NBEA: variants seen among roughly 807,000 people sequenced by gnomAD.
The protein encoded by NBEA is neurobeachin.
A neutral mutation model predicts 343.4 loss-of-function variants in NBEA; 44 were observed. The ratio of observed to expected loss-of-function variants is 0.13; its 90% CI spans 0.10 to 0.16. The LOEUF is 0.16. Among genes scored for constraint, NBEA ranks in the 10% least tolerant of loss-of-function variants. NBEA has a pLI of 1.00. For missense variants in NBEA, 2,555 were observed against 3,631.3 expected (o/e 0.70, Z 7.62); for synonymous variants, 1,175 against 1,238.7 (o/e 0.95, Z 1.08).
intron 39 of NBEA, among the ~76,000 whole-genome samples, chr13:35,445,903 G>C (rs1300055476): frequency 6.7e-6 from 1 of 149,554 alleles, no homozygotes; most frequent in Non-Finnish European, 1.5e-5. Context: ...TGCCATGTTG[G>C]TGTGCTGCAC....
intron 28 of NBEA, among the ~76,000 whole-genome samples, chr13:35,180,977 C>T (rs2071276458): frequency 6.6e-6 from 1 of 151,792 alleles, no homozygotes; most frequent in Non-Finnish European, 1.5e-5. Context: ...CAGTCCCATC[C>T]AGGTTGCTGC....
At chr13:35,257,870 TCTTA>T (rs750966023) in intron 34 of NBEA, among the ~76,000 whole-genome samples, 41 of 152,182 alleles carry the variant, frequency 2.7e-4, no homozygotes, top group Non-Finnish European at 5.1e-4. Context: ...CCAGTTTTTT[TCTTA>T]CTTGAGTGAA....
intron 1 of NBEA, among the ~76,000 whole-genome samples, chr13:35,010,741 A>AAAAAATATATATAT (rs1555275017): frequency 3.1e-5 from 1 of 31,964 alleles, no homozygotes; most frequent in South Asian, 1.8e-3. Flanking sequence ...AAAAAAAAAA[A>AAAAAATATATATAT]ATATATATAT....
At chr13:35,524,633 C>A (rs2077883569) in intron 41 of NBEA, among the ~76,000 whole-genome samples, 1 of 151,952 alleles carries the variant, frequency 6.6e-6, no homozygotes, top group African/African-American at 2.4e-5. Flanking sequence ...TAAACATTTT[C>A]CAAAGGAAAA....
intron 40 of NBEA, among the ~76,000 whole-genome samples, chr13:35,459,470 A>G (rs2046789356): frequency 6.6e-6 from 1 of 151,692 alleles, no homozygotes; most frequent in Admixed American, 6.6e-5. Context: ...TATATAGAAC[A>G]TTGGTACTCA....
intron 8 of NBEA, among the ~76,000 whole-genome samples, chr13:35,065,115 T>A (rs1051698498): frequency 6.6e-6 from 1 of 151,776 alleles, no homozygotes; most frequent in African/African-American, 2.4e-5. Flanking sequence ...GTGTTTTAGC[T>A]CTTTCTGTAG....
At chr13:35,584,779 C>T (rs1159612005) in intron 46 of NBEA, among the ~76,000 whole-genome samples, 1 of 151,912 alleles carries the variant, frequency 6.6e-6, no homozygotes, top group African/African-American at 2.4e-5. Flanking sequence ...GGATTACAGG[C>T]GTGAGCCACC....
chr13:35,362,565 A>G lies in NBEA; in HGVS notation c.6179+10242A>G, dbSNP rs377205038. Among the ~76,000 whole-genome samples the G allele has an allele frequency of 7.9e-5, 12 of 152,138 alleles. No individual in the cohort carries two copies. In the South Asian group the frequency reaches 1.7e-3, roughly 21 times the overall value. On this transcript the variant is annotated intron_variant, in intron 38 of 58. Transcript: ENST00000379939. ...TTGAGTTAGACTAAACAGTCTACCA[A>G]TTGTGATCTCAGTAACACCGTGAGA...
At chr13:35,455,216 G>A (rs1288496581) in intron 40 of NBEA, among the ~76,000 whole-genome samples, 1 of 151,892 alleles carries the variant, frequency 6.6e-6, no homozygotes, top group East Asian at 1.9e-4. Context: ...ACAAAACCCC[G>A]TTTTGCTGAC....
intron 41 of NBEA, among the ~76,000 whole-genome samples, chr13:35,499,188 A>T (rs1201856404): frequency 1.3e-5 from 2 of 152,116 alleles, no homozygotes; most frequent in Non-Finnish European, 2.9e-5. Context: ...TTGTTTTATT[A>T]TGGTGTCAAT....
intron 30 of NBEA, 33 bp downstream of exon 30, chr13:35,184,104 G>A: frequency 6.9e-7 from 1 of 1,456,518 alleles, no homozygotes; most frequent in Non-Finnish European, 9.5e-7. Flanking sequence ...ACCTGTTTGG[G>A]TATTCTTATT....
chr13:35,599,322 A>G (rs557552158), intron 47 of NBEA, among the ~76,000 whole-genome samples: 25 of 152,236 alleles, frequency 1.6e-4, no homozygotes, highest in Non-Finnish European at 3.2e-4. Flanking sequence ...CCCAAAACCT[A>G]TAGGCTTAAA....
intron 38 of NBEA, among the ~76,000 whole-genome samples, chr13:35,370,908 C>A (rs1474643324): frequency 1.9e-5 from 1 of 52,706 alleles, no homozygotes; most frequent in African/African-American, 5.5e-5. Context: ...CCTCAGTTGG[C>A]AGTTTTTTTT....
chr13:34,958,326 C>T (rs920735074), intron 1 of NBEA, among the ~76,000 whole-genome samples: 38 of 151,824 alleles, frequency 2.5e-4, no homozygotes, highest in African/African-American at 8.7e-4. Context: ...AGTCACTTGT[C>T]CTTTATCTTT....
At chr13:35,455,493 C>T (rs1459476659) in intron 40 of NBEA, among the ~76,000 whole-genome samples, 2 of 151,370 alleles carry the variant, frequency 1.3e-5, no homozygotes, top group African/African-American at 4.9e-5. Context: ...ATAAATGATG[C>T]TGCTATTATA....
chr13:35,214,665 A>G lies in NBEA; in HGVS notation c.5648+3486A>G, dbSNP rs544913599. On this transcript the variant is annotated intron_variant, in intron 33 of 58. Coordinates refer to ENST00000379939, the MANE Select transcript of NBEA (RefSeq NM_001385012.1). ...TTGTATATATTTTTATTTTCTTAAA[A>G]TTGTTAATAACAAAAGTTTCTAATT... Among the ~76,000 whole-genome samples, 289 of 151,840 alleles carry G rather than the reference A, an allele frequency of 1.9e-3. 2 individuals carry two copies. The highest frequency in any genetic ancestry group is 6.8e-3 in the African/African-American group (281 of 41,550).
chr13:35,479,021 A>G (rs537989784), intron 41 of NBEA, among the ~76,000 whole-genome samples: 1 of 152,394 alleles, frequency 6.6e-6, no homozygotes, highest in South Asian at 2.1e-4. Flanking sequence ...AAGCGAAGCT[A>G]AACACCGAAG....
chr13:35,136,324 G>C (rs1354988471), intron 17 of NBEA, among the ~76,000 whole-genome samples: 2 of 152,152 alleles, frequency 1.3e-5, no homozygotes, highest in African/African-American at 4.8e-5. Context: ...CTTTTGGTGA[G>C]TGAAAATAGT....
chr13:35,627,924 T>G (rs1488324800), intron 48 of NBEA, among the ~76,000 whole-genome samples, 157 bp from the exon 49 acceptor site: 1 of 152,102 alleles, frequency 6.6e-6, no homozygotes, highest in African/African-American at 2.4e-5. Context: ...ATTTTTCCAT[T>G]TCTAGGAACT....
Sources: gnomAD v4.1 joint callset for allele counts (sites outside exome capture counted in the v4.1 genomes callset) on GRCh38, gnomAD v4.1.1 for gene constraint, MANE v1.5 for transcripts, NCBI Gene and HGNC (gene_info 2026-07-23, HGNC 2026-07-21) for gene names.